BTBD9: variants seen among roughly 807,000 people sequenced by gnomAD.
BTBD9 encodes BTB domain containing 9, also known as BTB/POZ domain-containing protein 9.
In BTBD9, 49 loss-of-function variants were observed where a neutral mutation model predicts 64.3. The observed-to-expected ratio is 0.76, with a 90% confidence interval of 0.61 to 0.97. BTBD9 has a LOEUF of 0.97. Ranked by LOEUF, BTBD9 falls within the 50% of genes least tolerant of loss-of-function variation. BTBD9 has a pLI of 0.00. For synonymous variants in BTBD9, 260 were observed against 274.7 expected (o/e 0.95, Z 0.53); for missense variants, 598 against 762.1 (o/e 0.78, Z 2.53).
intron 6 of BTBD9, among the ~76,000 whole-genome samples, chr6:38,551,638 CA>C (rs1439386849): frequency 3.3e-5 from 5 of 152,264 alleles, no homozygotes; most frequent in Non-Finnish European, 7.4e-5. Flanking sequence ...AAAGGAAAGC[CA>C]AATTCAAAGC....
intron 6 of BTBD9, among the ~76,000 whole-genome samples, chr6:38,467,115 AT>A (rs1770431320): frequency 6.6e-6 from 1 of 152,216 alleles, no homozygotes; most frequent in South Asian, 2.1e-4. Flanking sequence ...AGATTTTCCT[AT>A]TTGTGGTCCT....
At chr6:38,333,492 G>A (rs748396857) in intron 7 of BTBD9, among the ~76,000 whole-genome samples, 3 of 152,122 alleles carry the variant, frequency 2.0e-5, no homozygotes, top group South Asian at 2.1e-4. Flanking sequence ...TGTTGGAGGC[G>A]GGGCCTGGTG....
rs1202602944 is a variant in BTBD9, at chr6:38,184,476, GAGTCT to G, written c.1641+8038_1641+8042del. ...CCAGGTTCCCTCCCACACAGAAGTG[GAGTCT>G]GAAGGCTGGAACTGGTGCTCTCTGC... is the stretch of plus-strand genomic sequence containing the variant. On this transcript the variant is annotated intron_variant, in intron 10 of 10. Coordinates refer to ENST00000481247, the MANE Select transcript of BTBD9 (RefSeq NM_001099272.2). This position sits in a 1 kb window ranked among gnomAD's most constrained non-coding sequence, Gnocchi z 4.4. 3.9e-4 allele frequency among the ~76,000 whole-genome samples: 60 copies of G among 152,260 alleles called. No homozygotes were observed. The highest frequency in any genetic ancestry group is 1.3e-3 in the African/African-American group (52 of 41,558).
chr6:38,606,384 C>T (rs1220398338), intron 1 of BTBD9, among the ~76,000 whole-genome samples: 2 of 152,078 alleles, frequency 1.3e-5, no homozygotes, highest in African/African-American at 2.4e-5. Context: ...AATGAAACCA[C>T]TGATTGAAGA....
At chr6:38,226,368 T>G (rs1188301070) in intron 9 of BTBD9, among the ~76,000 whole-genome samples, 2 of 152,138 alleles carry the variant, frequency 1.3e-5, no homozygotes, top group Admixed American at 1.3e-4. Context: ...TTACAGTAAC[T>G]GAACAGAGCA....
chr6:38,505,964 C>CAAAAAAAAAA (rs59014161), intron 6 of BTBD9, among the ~76,000 whole-genome samples: 13,076 of 82,126 alleles, frequency 0.16, 2,696 homozygotes, highest in Non-Finnish European at 0.24. Flanking sequence ...TCCGTCTCAA[C>CAAAAAAAAAA]AAAAAAAAAA....
intron 9 of BTBD9, among the ~76,000 whole-genome samples, chr6:38,202,933 A>G (rs1221624697): frequency 1.3e-5 from 2 of 152,226 alleles, no homozygotes; most frequent in Non-Finnish European, 2.9e-5. Context: ...AATAGGAGAA[A>G]ATACCCGCAA....
chr6:38,507,828 ATTT>A (rs34808509), intron 6 of BTBD9, among the ~76,000 whole-genome samples: 4 of 125,378 alleles, frequency 3.2e-5, no homozygotes, highest in Non-Finnish European at 3.3e-5. Flanking sequence ...TGTCTCCCAA[ATTT>A]TTTTTTTTTT....
chr6:38,620,984 G>A (rs1411985684), intron 1 of BTBD9, among the ~76,000 whole-genome samples: 1 of 152,180 alleles, frequency 6.6e-6, no homozygotes, highest in Non-Finnish European at 1.5e-5. Context: ...CTCTTTATAT[G>A]CCAGAGAGAG....
intron 6 of BTBD9, among the ~76,000 whole-genome samples, chr6:38,556,509 G>C (rs576234668): frequency 2.1e-4 from 21 of 98,150 alleles, no homozygotes; most frequent in African/African-American, 7.3e-4. Context: ...CCTATAAAGT[G>C]TGTGTGTGTG....
intron 6 of BTBD9, among the ~76,000 whole-genome samples, chr6:38,355,463 T>C (rs1015793847): frequency 1.3e-5 from 2 of 152,150 alleles, no homozygotes; most frequent in Non-Finnish European, 2.9e-5. Context: ...TTACCATTCA[T>C]GACCTAGACT....
intron 10 of BTBD9, among the ~76,000 whole-genome samples, chr6:38,188,211 C>G (rs1761903318): frequency 6.6e-6 from 1 of 152,214 alleles, no homozygotes; most frequent in Non-Finnish European, 1.5e-5. Flanking sequence ...TTCCATGGTC[C>G]CTGTTGCAGA....
intron 6 of BTBD9, among the ~76,000 whole-genome samples, chr6:38,349,517 C>T (rs1015785734): frequency 6.6e-6 from 1 of 152,070 alleles, no homozygotes. Flanking sequence ...TAACTTTTCA[C>T]AGTATATTGT....
At chr6:38,617,211 C>T (rs571751455) in intron 1 of BTBD9, among the ~76,000 whole-genome samples, 7 of 152,268 alleles carry the variant, frequency 4.6e-5, no homozygotes, top group South Asian at 4.1e-4. Flanking sequence ...CCTGCACTTC[C>T]GGGCTGAGCC....
intron 8 of BTBD9, among the ~76,000 whole-genome samples, chr6:38,266,812 A>G (rs559188676): frequency 1.3e-5 from 2 of 152,362 alleles, no homozygotes; most frequent in East Asian, 3.9e-4. Context: ...CCCTTCCTTA[A>G]GCAAAATGTT....
intron 9 of BTBD9, among the ~76,000 whole-genome samples, chr6:38,222,453 G>T (rs1044171205): frequency 1.3e-5 from 2 of 151,950 alleles, no homozygotes; most frequent in African/African-American, 2.4e-5. Context: ...TAGAGACGGG[G>T]TTTCACCGTG....
intron 6 of BTBD9, among the ~76,000 whole-genome samples, chr6:38,422,667 C>T (rs1341302327): frequency 6.6e-6 from 1 of 152,090 alleles, no homozygotes; most frequent in East Asian, 1.9e-4. Context: ...AAATAAAACT[C>T]AAGATAATCA....
At chr6:38,589,251 T>C (rs1005041488) in intron 4 of BTBD9, among the ~76,000 whole-genome samples, 6 of 152,146 alleles carry the variant, frequency 3.9e-5, no homozygotes, top group Admixed American at 2.6e-4. Context: ...ATCTCCTGAG[T>C]TTCTTGTAAC....
chr6:38,372,296 T>C (rs1765457844), intron 6 of BTBD9, among the ~76,000 whole-genome samples: 1 of 152,244 alleles, frequency 6.6e-6, no homozygotes, highest in Non-Finnish European at 1.5e-5. Flanking sequence ...TCTCTTGCCA[T>C]GTGGAGTCAC....
Sources: allele counts gnomAD v4.1 joint callset (sites outside exome capture counted in the v4.1 genomes callset), GRCh38; gene constraint gnomAD v4.1.1; non-coding constraint Gnocchi (gnomAD v3.1); transcripts MANE v1.5; gene names NCBI Gene and HGNC (gene_info 2026-07-23, HGNC 2026-07-21).